Variants in WDR7 observed in about 807,000 individuals in gnomAD.
WDR7 encodes the protein WD repeat domain 7, also known as WD repeat-containing protein 7.
WDR7 carries 46 observed loss-of-function variants against 169.4 expected under a neutral mutation model. The ratio of observed to expected loss-of-function variants is 0.27; its 90% CI spans 0.21 to 0.35. WDR7 has a LOEUF of 0.35. Ranked by LOEUF, WDR7 falls within the 10% of genes least tolerant of loss-of-function variation. The pLI is 1.00. For missense variants in WDR7, 1,534 were observed against 1,859.3 expected (o/e 0.83, Z 3.22); for synonymous variants, 612 against 666.8 (o/e 0.92, Z 1.27).
At chr18:56,798,783 T>G (rs2044625122) in intron 19 of WDR7, among the ~76,000 whole-genome samples, 1 of 152,218 alleles carries the variant, frequency 6.6e-6, no homozygotes, top group South Asian at 2.1e-4. Flanking sequence ...GACTTTTTGA[T>G]AGATACTGAG....
At chr18:56,712,862 T>C (rs1424140900) in intron 12 of WDR7, among the ~76,000 whole-genome samples, 2 of 152,184 alleles carry the variant, frequency 1.3e-5, no homozygotes, top group African/African-American at 4.8e-5. Context: ...TACTTACTTA[T>C]TTTTTAATCT....
At chr18:56,983,586 G>A (rs1441915032) in intron 26 of WDR7, among the ~76,000 whole-genome samples, 1 of 151,922 alleles carries the variant, frequency 6.6e-6, no homozygotes, top group Non-Finnish European at 1.5e-5. Flanking sequence ...GAGAGAGAGA[G>A]AGAGAGAGAG....
At chr18:56,681,273 A>G (rs182227467) in intron 3 of WDR7, 40 bp from the exon 4 acceptor site, 88 of 1,359,612 alleles carry the variant, frequency 6.5e-5, no homozygotes, top group Admixed American at 2.6e-4. Flanking sequence ...TGGTGCTTTA[A>G]AAAGTCACAC....
chr18:56,957,303 T>G (rs531837365), intron 25 of WDR7: 1 of 152,232 alleles, frequency 6.6e-6, no homozygotes, highest in South Asian at 2.1e-4. Context: ...TTCTATAGTT[T>G]GTTACTAGAG....
chr18:56,756,377 C>A (rs1056342157), intron 14 of WDR7, among the ~76,000 whole-genome samples: 2 of 152,086 alleles, frequency 1.3e-5, no homozygotes, highest in East Asian at 3.9e-4. Flanking sequence ...GTGATTGTTT[C>A]AGCATAAAGT....
At chr18:56,929,204 A>T (rs1409903408) in intron 22 of WDR7, among the ~76,000 whole-genome samples, 1 of 152,058 alleles carries the variant, frequency 6.6e-6, no homozygotes, top group African/African-American at 2.4e-5. Context: ...TGAGCACAGG[A>T]GGTCAAGGCT....
chr18:56,839,253 G>A (rs2045444046), intron 20 of WDR7, among the ~76,000 whole-genome samples: 1 of 152,060 alleles, frequency 6.6e-6, no homozygotes. Context: ...ATGGAAATTT[G>A]CAAGCACACA....
intron 26 of WDR7, among the ~76,000 whole-genome samples, chr18:57,001,737 A>T (rs1237673926): frequency 6.6e-6 from 1 of 152,090 alleles, no homozygotes; most frequent in Non-Finnish European, 1.5e-5. Context: ...TCTTTCTTGC[A>T]CTGTGGTTTT....
intron 16 of WDR7, among the ~76,000 whole-genome samples, chr18:56,764,587 A>G (rs1027394153): frequency 1.3e-5 from 2 of 152,134 alleles, no homozygotes; most frequent in African/African-American, 2.4e-5. Flanking sequence ...TTTTAAGTAT[A>G]TAATACATTG....
chr18:56,787,658 A>C (rs1276836161), intron 19 of WDR7, among the ~76,000 whole-genome samples: 7 of 152,028 alleles, frequency 4.6e-5, no homozygotes, highest in African/African-American at 1.7e-4. Flanking sequence ...AATGAAAGAC[A>C]CTCCTAGTAA....
intron 4 of WDR7, among the ~76,000 whole-genome samples, chr18:56,682,115 G>C (rs1009587161): frequency 6.6e-6 from 1 of 152,122 alleles, no homozygotes; most frequent in Non-Finnish European, 1.5e-5. Context: ...TATTGTGTTT[G>C]ATTTAGTCCT....
At chr18:57,034,724 G>A (rs1022391095), downstream of WDR7, 1 of 152,258 alleles carries the variant, frequency 6.6e-6, no homozygotes, top group Non-Finnish European at 1.5e-5. Flanking sequence ...GACTGTTGTG[G>A]AGTGCTCTGG....
rs71169386 is a variant in WDR7 at position 56,666,201 on chromosome 18, C to CTTTTTTT, written c.-19-6283_-19-6277dup. 3.6e-3 allele frequency among the ~76,000 whole-genome samples: 361 copies of CTTTTTTT among 100,964 alleles called. 11 individuals are homozygous for CTTTTTTT. Among genetic ancestry groups the CTTTTTTT allele is most frequent in the East Asian group, 9.3e-3 (25 of 2,690 alleles). The allele number at this position is 100,964 out of a possible 152,430, so 66.2% of individuals were successfully genotyped here. On this transcript the variant is annotated intron_variant, in intron 1 of 27. Coordinates refer to ENST00000254442, the MANE Select transcript of WDR7 (RefSeq NM_015285.3). ...TACTATTTCATCTTCATTCCTTCGT[C>CTTTTTTT]TTTTTTTTTTTTTTTTTTTGAGCCG...
chr18:56,684,233 G>A (rs753613599), intron 5 of WDR7, among the ~76,000 whole-genome samples: 2 of 152,144 alleles, frequency 1.3e-5, no homozygotes, highest in Non-Finnish European at 2.9e-5. Flanking sequence ...GAGGGAAGGA[G>A]TGGCAGGATA....
chr18:56,765,446 C>G (rs117656774), intron 16 of WDR7, among the ~76,000 whole-genome samples: 1 of 151,398 alleles, frequency 6.6e-6, no homozygotes, highest in Non-Finnish European at 1.5e-5. Flanking sequence ...TATGTCTTTC[C>G]GTTATCACAG....
chr18:56,958,425 G>A (rs531229741), intron 25 of WDR7, among the ~76,000 whole-genome samples: 23 of 152,132 alleles, frequency 1.5e-4, no homozygotes, highest in Non-Finnish European at 2.1e-4. Context: ...TGAAATTTGT[G>A]TGTGCTAATA....
intron 14 of WDR7, among the ~76,000 whole-genome samples, chr18:56,741,396 T>C (rs951558702): frequency 2.0e-5 from 3 of 152,206 alleles, no homozygotes; most frequent in Admixed American, 6.5e-5. Context: ...TCTCTGCCTC[T>C]GCCACTCTTC....
chr18:56,797,742 TTATC>T (rs1253169695), intron 19 of WDR7, among the ~76,000 whole-genome samples: 1 of 151,178 alleles, frequency 6.6e-6, no homozygotes, highest in Non-Finnish European at 1.5e-5. Context: ...GAATACACTT[TTATC>T]TATCTATCTA....
In WDR7 at chr18:57,027,445, T is replaced by C; in HGVS notation, c.*238T>C. The C allele has an allele frequency of 7.5e-6, 4 of 533,282 alleles. No individual in the cohort carries two copies. Among genetic ancestry groups the C allele is most frequent in the Non-Finnish European group, 9.8e-6 (3 of 306,362 alleles). The allele number at this position is 533,282 out of a possible 1,614,324, so 33.0% of individuals were successfully genotyped here. A position where few individuals can be genotyped will look rare whatever the true frequency, so the allele number is the denominator to read the frequency against. On this transcript the variant is annotated 3_prime_UTR_variant, in exon 28 of 28. Transcript: ENST00000254442. The stretch of plus-strand genomic sequence containing the variant: ...AGGATGTGGCCATCCTGTCACCAGG[T>C]AGTTTTTCCCTGCCAGAGATGGCAG...
Sources: allele counts gnomAD v4.1 joint callset (sites outside exome capture counted in the v4.1 genomes callset), GRCh38; gene constraint gnomAD v4.1.1; transcripts MANE v1.5; gene names NCBI Gene and HGNC (gene_info 2026-07-23, HGNC 2026-07-21).